Variants in M1AP observed in about 807,000 individuals in gnomAD.
The protein encoded by M1AP is meiosis 1 associated protein, also known as meiosis 1 arrest protein.
A neutral mutation model predicts 51.2 loss-of-function variants in M1AP; 39 were observed. That is an observed-to-expected ratio of 0.76 (90% confidence interval 0.59 to 1.00). The LOEUF (loss-of-function observed/expected upper bound fraction) is 1.00, where lower values mean the gene tolerates loss of function less well. Ranked by LOEUF, M1AP falls within the 50% of genes least tolerant of loss-of-function variation. M1AP has a pLI of 0.00. For synonymous variants in M1AP, 251 were observed against 249.2 expected (o/e 1.01, Z -0.07); for missense variants, 545 against 641.2 (o/e 0.85, Z 1.62).
chr2:74,625,964 A>G (rs1421199385), intron 2 of M1AP, among the ~76,000 whole-genome samples: 1 of 152,228 alleles, frequency 6.6e-6, no homozygotes, highest in African/African-American at 2.4e-5. Flanking sequence ...CTCTCTCTGC[A>G]TGCCTGTAAG....
chr2:74,623,806 G>A (rs954750921), intron 2 of M1AP, among the ~76,000 whole-genome samples: 3 of 152,044 alleles, frequency 2.0e-5, no homozygotes, highest in Non-Finnish European at 4.4e-5. Context: ...GGAGTAGCTG[G>A]GACTACAGGC....
chr2:74,558,951 TG>T, intron 10 of M1AP, 77 bp from the exon 11 acceptor site: 1 of 1,378,948 alleles, frequency 7.3e-7, no homozygotes, highest in Non-Finnish European at 9.7e-7. Flanking sequence ...TTGGGCTTCC[TG>T]TCCTAACTCT....
intron 1 of M1AP, among the ~76,000 whole-genome samples, chr2:74,644,890 C>T (rs770574758): frequency 6.6e-6 from 1 of 152,096 alleles, no homozygotes; most frequent in Non-Finnish European, 1.5e-5. Context: ...TAGTCAGAGG[C>T]CTTATTTAAT....
chr2:74,597,659 A>C (rs1304376250), intron 4 of M1AP, among the ~76,000 whole-genome samples: 1 of 152,218 alleles, frequency 6.6e-6, no homozygotes, highest in Non-Finnish European at 1.5e-5. Flanking sequence ...GTTTGCGAGC[A>C]CTTAGAAAGG....
At chr2:74,559,836 T>C in intron 9 of M1AP, 127 bp from the exon 10 acceptor site, 1 of 682,638 alleles carries the variant, frequency 1.5e-6, no homozygotes, top group South Asian at 1.6e-5. Context: ...TCCTTCAGCC[T>C]TTTCTTTCAC....
chr2:74,583,887 C>T (rs1573095418), intron 4 of M1AP, among the ~76,000 whole-genome samples: 1 of 152,192 alleles, frequency 6.6e-6, no homozygotes, highest in African/African-American at 2.4e-5. Flanking sequence ...AAATGCATTT[C>T]TCTATGGCCA....
rs750665474 is a variant in M1AP at position 74,615,147 on chromosome 2, T to C, written c.243A>G (p.Gln81=). The C allele has an allele frequency of 2.9e-5, 47 of 1,613,862 alleles. No homozygotes were observed. Among genetic ancestry groups the C allele is most frequent in the Non-Finnish European group, 3.7e-5 (44 of 1,179,854 alleles). The change falls in exon 3 of 11, where the codon CAA becomes CAG. Residue 81 remains glutamine (Q), a splice_region_variant and synonymous_variant. Transcript: ENST00000421985. ...GCAACCTAGCAAAGTTCCCTTTCAC[T>C]TGCTGCAGAGAAAAACGAATCAAAG... is the stretch of plus-strand genomic sequence containing the variant. ...DQHECILPFV[Q]VKGNFARLQT...
At chr2:74,631,893 C>G (rs1399225808) in intron 2 of M1AP, among the ~76,000 whole-genome samples, 1 of 152,084 alleles carries the variant, frequency 6.6e-6, no homozygotes, top group Non-Finnish European at 1.5e-5. Context: ...AGTAAGATTT[C>G]CCACATGGTA....
chr2:74,615,275 A>G (rs1303163470), intron 2 of M1AP, 126 bp from the exon 3 acceptor site: 1 of 804,292 alleles, frequency 1.2e-6, no homozygotes, highest in Non-Finnish European at 2.0e-6. Flanking sequence ...TATTTGACCA[A>G]CATCTACTGA....
chr2:74,628,733 C>T (rs1682540355), intron 2 of M1AP: 1 of 588,226 alleles, frequency 1.7e-6, no homozygotes, highest in Non-Finnish European at 3.2e-6. Flanking sequence ...ATGACAACAA[C>T]AAGATAATCG....
At chr2:74,573,388 T>C (rs1460244035) in intron 7 of M1AP, among the ~76,000 whole-genome samples, 1 of 152,042 alleles carries the variant, frequency 6.6e-6, no homozygotes, top group East Asian at 1.9e-4. Context: ...GGTCTTGCTC[T>C]GTCGCCCAGG....
rs1573046185 is a variant in M1AP at position 74,558,132 on chromosome 2, T to G, written c.*584A>C. 6.6e-6 allele frequency: 1 copy of G among 151,628 alleles called. No homozygotes were observed. The highest frequency in any genetic ancestry group is 1.5e-5 in the Non-Finnish European group (1 of 68,124). The allele number at this position is 151,628 out of a possible 1,614,324, so 9.4% of individuals were successfully genotyped here. ...TGGGGAGAGGGTAACAGGAAAGGAGTAGGTCTTTTTTTACACCATCCTCTC... is the reference window on the plus strand; with the variant it reads ...TGGGGAGAGGGTAACAGGAAAGGAGGAGGTCTTTTTTTACACCATCCTCTC... On this transcript the variant is annotated 3_prime_UTR_variant, in exon 11 of 11. Coordinates refer to ENST00000421985, the MANE Select transcript of M1AP (RefSeq NM_001321739.2).
At chr2:74,632,473 T>C (rs1682760152) in intron 2 of M1AP, among the ~76,000 whole-genome samples, 1 of 152,154 alleles carries the variant, frequency 6.6e-6, no homozygotes, top group South Asian at 2.1e-4. Context: ...CACTTTTCCC[T>C]ACTCTGAGTC....
At chr2:74,644,125 T>C (rs2104858858) in intron 1 of M1AP, among the ~76,000 whole-genome samples, 1 of 152,334 alleles carries the variant, frequency 6.6e-6, no homozygotes, top group Non-Finnish European at 1.5e-5. Flanking sequence ...ATATAATTGT[T>C]TTTAGCTAAA....
chr2:74,591,700 C>G (rs1044365485), intron 4 of M1AP, among the ~76,000 whole-genome samples: 2 of 152,020 alleles, frequency 1.3e-5, no homozygotes, highest in Non-Finnish European at 2.9e-5. Flanking sequence ...GTAAGTGGAG[C>G]CATGAAAGAA....
intron 4 of M1AP, among the ~76,000 whole-genome samples, chr2:74,603,248 C>A (rs1680775152): frequency 6.6e-6 from 1 of 152,136 alleles, no homozygotes; most frequent in Non-Finnish European, 1.5e-5. Context: ...ATTCACTCAA[C>A]AAATATATAC....
intron 4 of M1AP, among the ~76,000 whole-genome samples, chr2:74,589,053 C>CGT (rs1281482664): frequency 2.0e-5 from 3 of 152,018 alleles, no homozygotes; most frequent in African/African-American, 7.2e-5. Flanking sequence ...AATAAAGGGG[C>CGT]GTGTGTGTGT....
intron 3 of M1AP, among the ~76,000 whole-genome samples, chr2:74,613,103 A>T (rs72818097): frequency 0.032 from 4,800 of 152,096 alleles, 133 homozygotes; most frequent in Non-Finnish European, 0.051. Flanking sequence ...CATCTATTAC[A>T]ATGTTTTTGA....
rs1017936614 is a variant in M1AP, at chr2:74,557,910, T to A, written c.*806A>T. The A allele has an allele frequency of 2.2e-5, 3 of 134,050 alleles. No homozygotes were observed. The highest frequency in any genetic ancestry group is 4.5e-5 in the Non-Finnish European group (3 of 66,598). The allele number at this position is 134,050 out of a possible 1,614,324, so 8.3% of individuals were successfully genotyped here. A position where few individuals can be genotyped will look rare whatever the true frequency, so the allele number is the denominator to read the frequency against. ...TTTTTTTAAAAGTTTTTATTATTTA[T>A]GTAGAGATGGCGGGGGGGTCTCACA... On this transcript the variant is annotated 3_prime_UTR_variant, in exon 11 of 11. Coordinates refer to ENST00000421985, the MANE Select transcript of M1AP (RefSeq NM_001321739.2).
Sources: allele counts gnomAD v4.1 joint callset (sites outside exome capture counted in the v4.1 genomes callset), GRCh38; gene constraint gnomAD v4.1.1; transcripts MANE v1.5; gene names NCBI Gene and HGNC (gene_info 2026-07-23, HGNC 2026-07-21).